IGSF21: variants seen among roughly 807,000 people sequenced by gnomAD.
IGSF21 encodes the protein immunoglobulin superfamily member 21.
In IGSF21, 28 loss-of-function variants were observed where a neutral mutation model predicts 46.8. The observed-to-expected ratio is 0.60, with a 90% CI of 0.44 to 0.82. The LOEUF is 0.82. Ranked by LOEUF, IGSF21 falls within the 40% of genes least tolerant of loss-of-function variation. The pLI, the probability that IGSF21 is intolerant of heterozygous loss-of-function variation, is 0.00. For missense variants in IGSF21, 624 were observed against 665.5 expected (o/e 0.94, Z 0.69); for synonymous variants, 284 against 273.6 (o/e 1.04, Z -0.38).
At chr1:18,348,505 T>C (rs1206254560) in intron 4 of IGSF21, among the ~76,000 whole-genome samples, 6 of 152,114 alleles carry the variant, frequency 3.9e-5, no homozygotes, top group Non-Finnish European at 5.9e-5. Flanking sequence ...GGGAGCTGGA[T>C]TTAGTGGCTC....
chr1:18,337,363 C>T lies in IGSF21; in HGVS notation c.424+2353C>T, dbSNP rs1005239088. The stretch of plus-strand genomic sequence containing the variant: ...CTTAAAGTAGATAAAGTTTGCAGAA[C>T]GCCTACCTCATCAAGAATATCATTG... On this transcript the variant is annotated intron_variant, in intron 4 of 9. Coordinates refer to ENST00000251296, the MANE Select transcript of IGSF21 (RefSeq NM_032880.5). This position sits in a 1 kb window ranked among gnomAD's most constrained non-coding sequence, Gnocchi z 5.7. Among the ~76,000 whole-genome samples, 1 of 152,192 alleles carries T rather than the reference C, an allele frequency of 6.6e-6. No homozygotes were observed. The highest frequency in any genetic ancestry group is 1.5e-5 in the Non-Finnish European group (1 of 68,034).
intron 1 of IGSF21, among the ~76,000 whole-genome samples, chr1:18,186,438 C>T (rs2086903565): frequency 6.6e-6 from 1 of 152,214 alleles, no homozygotes; most frequent in East Asian, 1.9e-4. Flanking sequence ...TCTTCACCCT[C>T]CGTGGCTAGT....
intron 1 of IGSF21, among the ~76,000 whole-genome samples, chr1:18,180,733 G>A (rs1219503611): frequency 6.6e-6 from 1 of 152,164 alleles, no homozygotes; most frequent in Non-Finnish European, 1.5e-5. Flanking sequence ...TATGCACCTG[G>A]CACTGTTCTA....
At chr1:18,172,814 C>T (rs1024461928) in intron 1 of IGSF21, among the ~76,000 whole-genome samples, 7 of 152,108 alleles carry the variant, frequency 4.6e-5, no homozygotes, top group African/African-American at 1.7e-4. Flanking sequence ...AGTGACTTGC[C>T]CAAATCACAT....
At chr1:18,377,905 C>T (rs571727560) in intron 9 of IGSF21, among the ~76,000 whole-genome samples, 1 of 152,326 alleles carries the variant, frequency 6.6e-6, no homozygotes, top group East Asian at 1.9e-4. Flanking sequence ...TGGGCATCCC[C>T]CAACCTGCTC....
chr1:18,308,161 G>A (rs112972546), intron 3 of IGSF21, among the ~76,000 whole-genome samples: 2 of 152,172 alleles, frequency 1.3e-5, no homozygotes, highest in African/African-American at 4.8e-5. Flanking sequence ...ACCGCCAAAC[G>A]CTCACCCCGG....
At chr1:18,317,942 C>A (rs144081046) in intron 3 of IGSF21, among the ~76,000 whole-genome samples, 2 of 152,146 alleles carry the variant, frequency 1.3e-5, no homozygotes, top group Non-Finnish European at 2.9e-5. Context: ...GGTCACGCAG[C>A]GAGTCAGGAT....
rs555940678 is a variant in IGSF21, at chr1:18,316,015, C to T, written c.306-18877C>T. Among the ~76,000 whole-genome samples, 74 of 152,256 alleles carry T rather than the reference C, an allele frequency of 4.9e-4. 1 individual carries two copies. Among genetic ancestry groups the T allele is most frequent in the Admixed American group, 2.2e-3 (33 of 15,302 alleles). On this transcript the variant is annotated intron_variant, in intron 3 of 9. Transcript: ENST00000251296. ...TTCTTTAGGTTGGAAACACAAAGCC[C>T]CGGCCATGCTCCAGTGCAGGTATTC...
At chr1:18,343,641 C>T (rs1426221503) in intron 4 of IGSF21, among the ~76,000 whole-genome samples, 1 of 152,100 alleles carries the variant, frequency 6.6e-6, no homozygotes, top group African/African-American at 2.4e-5. Context: ...GGGAGGGGTC[C>T]AACTTCATCA....
At position 18,261,811 on chromosome 1, in the gene IGSF21, C is replaced by T. The variant is rs560314662; in HGVS notation, c.184-30055C>T. Among the ~76,000 whole-genome samples, 6 of 152,248 alleles carry T rather than the reference C, an allele frequency of 3.9e-5. No individual in the cohort carries two copies. In the East Asian group the frequency reaches 9.7e-4, roughly 25 times the overall value. On this transcript the variant is annotated intron_variant, in intron 2 of 9. Coordinates refer to ENST00000251296, the MANE Select transcript of IGSF21 (RefSeq NM_032880.5). ...CTAGGCAGGGTTTCCCCTGAAGCCC[C>T]CCGACCCCTCAGACAAGGATTTGAG... is the stretch of plus-strand genomic sequence containing the variant.
intron 2 of IGSF21, among the ~76,000 whole-genome samples, chr1:18,267,483 C>T (rs1319768518): frequency 1.3e-5 from 2 of 152,200 alleles, no homozygotes; most frequent in Non-Finnish European, 2.9e-5. Flanking sequence ...TCCTAGATTT[C>T]CTCTGCCTCC....
At chr1:18,234,997 A>G (rs1016173808) in intron 2 of IGSF21, among the ~76,000 whole-genome samples, 1 of 152,134 alleles carries the variant, frequency 6.6e-6, no homozygotes, top group African/African-American at 2.4e-5. Context: ...TGCAGCCCTG[A>G]TCCTTGATCT....
intron 1 of IGSF21, among the ~76,000 whole-genome samples, chr1:18,146,278 T>C (rs2124429662): frequency 1.3e-5 from 2 of 152,326 alleles, no homozygotes; most frequent in East Asian, 1.9e-4. Flanking sequence ...GCACTGGGCC[T>C]AGCAGGGAGT....
chr1:18,127,625 G>A (rs1348026530), intron 1 of IGSF21, among the ~76,000 whole-genome samples: 1 of 152,150 alleles, frequency 6.6e-6, no homozygotes, highest in East Asian at 1.9e-4. Context: ...GGGGTTGGCT[G>A]GGCACTGTGG....
chr1:18,333,041 G>A (rs565575755), intron 3 of IGSF21, among the ~76,000 whole-genome samples: 2 of 152,300 alleles, frequency 1.3e-5, no homozygotes, highest in East Asian at 3.9e-4. Context: ...GTGTGTCCAG[G>A]AGGCTGAAGG....
intron 2 of IGSF21, among the ~76,000 whole-genome samples, chr1:18,241,197 C>G (rs1363728836): frequency 6.6e-6 from 1 of 152,196 alleles, no homozygotes; most frequent in Non-Finnish European, 1.5e-5. Flanking sequence ...TGGCCTTATA[C>G]AAAGCATCTC....
At chr1:18,347,176 C>G (rs1411994621) in intron 4 of IGSF21, among the ~76,000 whole-genome samples, 1 of 152,032 alleles carries the variant, frequency 6.6e-6, no homozygotes, top group Non-Finnish European at 1.5e-5. Flanking sequence ...CTCCCTCCCT[C>G]TCTGAACACA....
rs993347727 is a variant in IGSF21 at position 18,197,960 on chromosome 1, G to C, written c.71-29938G>C. Among the ~76,000 whole-genome samples, 4 of 152,240 alleles carry C rather than the reference G, an allele frequency of 2.6e-5. No homozygotes were observed. The East Asian group carries it at 5.8e-4, about 22-fold the overall frequency. On this transcript the variant is annotated intron_variant, in intron 1 of 9. Transcript: ENST00000251296. ...GGAAAGGTGTCGTAACCTCTCCAAG[G>C]CTTGGTTTCTTCATCTGTGTAGAGG...
chr1:18,288,371 C>A (rs1040385540), intron 2 of IGSF21, among the ~76,000 whole-genome samples: 8 of 152,180 alleles, frequency 5.3e-5, no homozygotes, highest in Non-Finnish European at 1.0e-4. Context: ...TGGTAATTAC[C>A]TGTTGCTGCT....
Sources: gnomAD v4.1 joint callset for allele counts (sites outside exome capture counted in the v4.1 genomes callset) on GRCh38, gnomAD v4.1.1 for gene constraint, Gnocchi (gnomAD v3.1) non-coding constraint, MANE v1.5 for transcripts, NCBI Gene and HGNC (gene_info 2026-07-23, HGNC 2026-07-21) for gene names.